SLC8A1: variants seen among roughly 807,000 people sequenced by gnomAD.
SLC8A1 encodes solute carrier family 8 member A1, also known as sodium/calcium exchanger 1.
SLC8A1 carries 18 observed loss-of-function variants against 68.3 expected under a neutral mutation model. The observed-to-expected ratio is 0.26, with a 90% confidence interval of 0.18 to 0.39. The LOEUF is 0.39. Ranked by LOEUF, SLC8A1 falls within the 10% of genes least tolerant of loss-of-function variation. The probability of loss-of-function intolerance (pLI) is 1.00; values close to 1 mark genes in which losing one functional copy is unlikely to be tolerated. For missense variants in SLC8A1, 985 were observed against 1,156.7 expected, an observed-to-expected ratio of 0.85 and a Z score of 2.15; for synonymous variants, 475 against 415.5, an observed-to-expected ratio of 1.14 and a Z score of -1.74.
At chr2:40,453,027 G>A (rs1702741781), upstream of SLC8A1, 1 of 152,096 alleles carries the variant, frequency 6.6e-6, no homozygotes, top group Non-Finnish European at 1.5e-5. Context: ...AATTAATAAA[G>A]GAACACTGCA....
chr2:40,428,368 C>A, intron 2 of SLC8A1, 105 bp downstream of exon 2: 1 of 1,410,278 alleles, frequency 7.1e-7, no homozygotes, highest in Non-Finnish European at 9.2e-7. Flanking sequence ...CCATTCCTTG[C>A]ATGCTATTTA....
At chr2:40,151,900 A>G (rs11688023) in intron 6 of SLC8A1, among the ~76,000 whole-genome samples, 98,659 of 152,102 alleles carry the variant, frequency 0.65, 34,006 homozygotes, top group East Asian at 0.83. Context: ...AAAATTACAG[A>G]TAAGTTAAAC....
In SLC8A1 at chr2:40,174,853, A is replaced by G; in HGVS notation, c.1913-11T>C. ...TTATTGTGAAGCCACCTAAAAAAGAAAAAAACAACAACAAATGTTATAATT... is the reference window on the plus strand; with the variant it reads ...TTATTGTGAAGCCACCTAAAAAAGAGAAAAACAACAACAAATGTTATAATT... On this transcript the variant is annotated splice_polypyrimidine_tract_variant and intron_variant, in intron 3 of 7. Transcript: ENST00000406785. The G allele has an allele frequency of 6.2e-7, 1 of 1,606,874 alleles. No homozygotes were observed. The highest frequency in any genetic ancestry group is 8.5e-7 in the Non-Finnish European group (1 of 1,173,796).
At chr2:40,322,799 T>G (rs1007306580) in intron 2 of SLC8A1, among the ~76,000 whole-genome samples, 1 of 150,914 alleles carries the variant, frequency 6.6e-6, no homozygotes, top group African/African-American at 2.4e-5. Flanking sequence ...ACTTATATAG[T>G]GCCTACCACC....
chr2:40,486,032 G>A (rs1438553807), intron 1 of SLC8A1, among the ~76,000 whole-genome samples: 1 of 152,162 alleles, frequency 6.6e-6, no homozygotes, highest in East Asian at 1.9e-4. Flanking sequence ...GACACAGTGG[G>A]AGTTAATTGA....
At chr2:40,151,767 A>G (rs2043482192) in intron 6 of SLC8A1, among the ~76,000 whole-genome samples, 1 of 152,188 alleles carries the variant, frequency 6.6e-6, no homozygotes, top group African/African-American at 2.4e-5. Context: ...TTAATTTTCT[A>G]GGGAAAAAAG....
intron 2 of SLC8A1, among the ~76,000 whole-genome samples, chr2:40,423,470 A>C (rs577981259): frequency 6.6e-6 from 1 of 152,140 alleles, no homozygotes; most frequent in African/African-American, 2.4e-5. Flanking sequence ...TAGCTTATTA[A>C]GTATGTGCAG....
chr2:40,370,963 C>T (rs1318940821), intron 2 of SLC8A1, among the ~76,000 whole-genome samples: 1 of 151,982 alleles, frequency 6.6e-6, no homozygotes, highest in African/African-American at 2.4e-5. Flanking sequence ...TGAAGGTACC[C>T]CTAGACATTC....
intron 2 of SLC8A1, among the ~76,000 whole-genome samples, chr2:40,344,034 C>A (rs531331506): frequency 9.2e-5 from 14 of 151,992 alleles, no homozygotes; most frequent in Non-Finnish European, 1.9e-4. Context: ...TGTACGATGG[C>A]AATATAATGA....
chr2:40,444,200 A>G (rs753464678), intron 1 of SLC8A1, among the ~76,000 whole-genome samples: 6 of 152,044 alleles, frequency 3.9e-5, no homozygotes, highest in Admixed American at 2.0e-4. Context: ...TTAGCCAGGC[A>G]CAGTGACATA....
intron 2 of SLC8A1, among the ~76,000 whole-genome samples, chr2:40,341,328 C>G (rs2149408259): frequency 6.6e-6 from 1 of 152,214 alleles, no homozygotes; most frequent in South Asian, 2.1e-4. Flanking sequence ...ATAAATAAAG[C>G]AAATGGTAGT....
intron 2 of SLC8A1, among the ~76,000 whole-genome samples, chr2:40,333,869 T>C (rs1230699240): frequency 6.6e-6 from 1 of 152,056 alleles, no homozygotes; most frequent in Non-Finnish European, 1.5e-5. Context: ...ACCAACATGG[T>C]GAAACCCTGT....
At chr2:40,273,494 G>C (rs1244279032) in intron 2 of SLC8A1, among the ~76,000 whole-genome samples, 1 of 152,198 alleles carries the variant, frequency 6.6e-6, no homozygotes, top group East Asian at 1.9e-4. Flanking sequence ...ACATATCCTA[G>C]TGCTGCTCAT....
chr2:40,427,586 T>TTC (rs1697217974), intron 2 of SLC8A1, among the ~76,000 whole-genome samples: 1 of 152,076 alleles, frequency 6.6e-6, no homozygotes, highest in South Asian at 2.1e-4. Flanking sequence ...GCAACACACT[T>TTC]TCCTAGGCAA....
chr2:40,329,609 C>T (rs535415074), intron 2 of SLC8A1, among the ~76,000 whole-genome samples: 7 of 152,282 alleles, frequency 4.6e-5, no homozygotes, highest in Admixed American at 1.3e-4. Flanking sequence ...AGCCCTATGA[C>T]GTATCTTCAA....
intron 2 of SLC8A1, among the ~76,000 whole-genome samples, chr2:40,340,699 T>C (rs1667419235): frequency 6.6e-6 from 1 of 152,176 alleles, no homozygotes; most frequent in South Asian, 2.1e-4. Flanking sequence ...AGGCTCAGGA[T>C]TTTCAGAGTT....
At chr2:40,195,544 G>A (rs2052802236) in intron 2 of SLC8A1, among the ~76,000 whole-genome samples, 1 of 152,004 alleles carries the variant, frequency 6.6e-6, no homozygotes, top group African/African-American at 2.4e-5. Context: ...AATCTCTTCT[G>A]TATGACTATA....
At chr2:40,356,511 T>G (rs1456817950) in intron 2 of SLC8A1, among the ~76,000 whole-genome samples, 2 of 151,530 alleles carry the variant, frequency 1.3e-5, no homozygotes, top group African/African-American at 4.9e-5. Context: ...TGCCTTTCAT[T>G]AGAAGATACC....
chr2:40,495,018 A>G (rs550766885), intron 1 of SLC8A1, among the ~76,000 whole-genome samples: 4 of 151,654 alleles, frequency 2.6e-5, no homozygotes, highest in Non-Finnish European at 4.4e-5. Flanking sequence ...TCTGGGAGGT[A>G]AGGTTTGGTA....
Sources: allele counts gnomAD v4.1 joint callset (sites outside exome capture counted in the v4.1 genomes callset), GRCh38; gene constraint gnomAD v4.1.1; transcripts MANE v1.5; gene names NCBI Gene and HGNC (gene_info 2026-07-23, HGNC 2026-07-21).